COL4A4: variants seen among roughly 807,000 people sequenced by gnomAD.
COL4A4 encodes the protein collagen alpha-4(IV) chain.
COL4A4 carries 105 observed loss-of-function variants against 192.9 expected under a neutral mutation model. The observed-to-expected ratio is 0.54, with a 90% CI of 0.46 to 0.64. COL4A4 has a LOEUF of 0.64. Ranked by LOEUF, COL4A4 falls within the 30% of genes least tolerant of loss-of-function variation. The pLI, the probability that COL4A4 is intolerant of heterozygous loss-of-function variation, is 0.00. For synonymous variants in COL4A4, 762 were observed against 769.9 expected (o/e 0.99, Z 0.17); for missense variants, 1,967 against 2,169.3 (o/e 0.91, Z 1.85).
intron 25 of COL4A4, among the ~76,000 whole-genome samples, chr2:227,065,723 C>G (rs866987950): frequency 3.9e-4 from 59 of 152,266 alleles, no homozygotes; most frequent in African/African-American, 6.3e-4. Context: ...AAACCCATCT[C>G]TACATCACCA....
chr2:227,157,252 G>T (rs2064423986), intron 1 of COL4A4, among the ~76,000 whole-genome samples: 1 of 152,012 alleles, frequency 6.6e-6, no homozygotes, highest in South Asian at 2.1e-4. Context: ...TGAGCTGAAT[G>T]ATAATAAAAA....
At chr2:227,074,597 C>T (rs1011536306) in intron 25 of COL4A4, among the ~76,000 whole-genome samples, 6 of 152,150 alleles carry the variant, frequency 3.9e-5, no homozygotes, top group Non-Finnish European at 2.9e-5. Flanking sequence ...AAGACACTTG[C>T]ACATGTATGT....
intron 2 of COL4A4, among the ~76,000 whole-genome samples, chr2:227,146,181 G>A (rs1396583169): frequency 2.0e-5 from 3 of 152,176 alleles, no homozygotes; most frequent in Non-Finnish European, 2.9e-5. Context: ...ATGGCCCCGA[G>A]GGGGCCAGCT....
chr2:226,991,111 T>C, the COL4A4 span, among the ~76,000 whole-genome samples: 1 of 152,374 alleles, frequency 6.6e-6, no homozygotes, highest in African/African-American at 2.4e-5. Flanking sequence ...CAACACTTTG[T>C]ACAAAACACT....
intron 44 of COL4A4, among the ~76,000 whole-genome samples, chr2:227,015,672 C>A (rs1368208792): frequency 6.6e-6 from 1 of 152,196 alleles, no homozygotes; most frequent in Non-Finnish European, 1.5e-5. Context: ...TAACTTCTTT[C>A]TAGCAGAGCA....
intron 43 of COL4A4, among the ~76,000 whole-genome samples, chr2:227,023,441 C>CAAAA (rs60646267): frequency 2.4e-5 from 3 of 124,306 alleles, no homozygotes; most frequent in Non-Finnish European, 5.1e-5. Flanking sequence ...GATTCCATCT[C>CAAAA]AAAAAAAAAA....
At position 227,095,623 on chromosome 2, in the gene COL4A4, G is replaced by A. The variant is rs887754697; in HGVS notation, c.1205-1334C>T. On this transcript the variant is annotated intron_variant, in intron 19 of 47. Transcript: ENST00000396625. ...AGATAGCTGAAAGCTGGCCAGGCCC[G>A]GTGGCTCACACCCGTAATCCCAATA... Among the ~76,000 whole-genome samples the A allele has an allele frequency of 2.6e-5, 4 of 152,174 alleles. No individual in the cohort carries two copies. The East Asian group carries it at 5.8e-4, about 22-fold the overall frequency.
At chr2:227,012,400 C>A in intron 44 of COL4A4, 103 bp from the exon 45 acceptor site, 1 of 889,226 alleles carries the variant, frequency 1.1e-6, no homozygotes, top group East Asian at 2.5e-5. Flanking sequence ...CCCAGGCTTC[C>A]TTCCCACTTT....
chr2:227,119,839 T>C, intron 6 of COL4A4, 56 bp downstream of exon 6: 4 of 1,255,126 alleles, frequency 3.2e-6, no homozygotes, highest in Non-Finnish European at 3.4e-6. Flanking sequence ...TTTTAAGGAT[T>C]TTGATGAGTA....
chr2:226,994,506 G>A, the COL4A4 span, among the ~76,000 whole-genome samples: 1 of 152,190 alleles, frequency 6.6e-6, no homozygotes, highest in Admixed American at 6.5e-5. Context: ...GTAGGTGATG[G>A]GAGAGAGCCT....
At chr2:227,137,027 C>T (rs1006610671) in intron 4 of COL4A4, among the ~76,000 whole-genome samples, 9 of 152,178 alleles carry the variant, frequency 5.9e-5, no homozygotes, top group South Asian at 2.1e-4. Flanking sequence ...GATGTCACAA[C>T]GACTTGCAGC....
intron 46 of COL4A4, among the ~76,000 whole-genome samples, chr2:227,010,024 G>A (rs151333714): frequency 7.9e-4 from 120 of 152,204 alleles, no homozygotes; most frequent in African/African-American, 2.8e-3. Context: ...TTAACTTACT[G>A]AGGAAGAATC....
chr2:227,155,897 T>C (rs569473762), intron 1 of COL4A4, among the ~76,000 whole-genome samples: 1 of 152,354 alleles, frequency 6.6e-6, no homozygotes, highest in African/African-American at 2.4e-5. Context: ...CACTTCGCCA[T>C]GTAATCCTTA....
In COL4A4 at chr2:227,049,547, T is replaced by A. The variant is rs566093797; in HGVS notation, c.3214+521A>T. 1.7e-4 allele frequency among the ~76,000 whole-genome samples: 26 copies of A among 152,126 alleles called. No individual in the cohort carries two copies. In the South Asian group the frequency reaches 3.1e-3, roughly 18 times the overall value. On this transcript the variant is annotated intron_variant, in intron 34 of 47. Coordinates refer to ENST00000396625, the MANE Select transcript of COL4A4 (RefSeq NM_000092.5). The stretch of plus-strand genomic sequence containing the variant: ...AAAATATTTTGCTATAGTAAAAAAA[T>A]AATAATAATAATAAAAAACCCAATT...
At chr2:227,050,228 GT>G in intron 33 of COL4A4, 97 bp from the exon 34 acceptor site, 1 of 1,208,048 alleles carries the variant, frequency 8.3e-7, no homozygotes, top group Non-Finnish European at 1.2e-6. Context: ...AACTAATTTG[GT>G]TTTTGTAATC....
At chr2:227,073,061 G>A (rs2058813268) in intron 25 of COL4A4, among the ~76,000 whole-genome samples, 1 of 151,952 alleles carries the variant, frequency 6.6e-6, no homozygotes, top group South Asian at 2.1e-4. Context: ...TTAGGTAAGA[G>A]AAATAAATAA....
chr2:227,145,925 G>T (rs1254898432), intron 2 of COL4A4, among the ~76,000 whole-genome samples: 1 of 152,152 alleles, frequency 6.6e-6, no homozygotes, highest in Non-Finnish European at 1.5e-5. Context: ...ATATAAAGGA[G>T]GTGTTAAACA....
intron 26 of COL4A4, among the ~76,000 whole-genome samples, chr2:227,061,180 C>T (rs1179490881): frequency 2.0e-5 from 3 of 152,026 alleles, no homozygotes; most frequent in Admixed American, 2.0e-4. Context: ...AGAAATCAAA[C>T]TTTTTTTTAT....
chr2:227,025,667 C>A, intron 43 of COL4A4, 135 bp downstream of exon 43: 1 of 765,534 alleles, frequency 1.3e-6, no homozygotes, highest in Non-Finnish European at 2.2e-6. Flanking sequence ...AACACTGCAG[C>A]TTAATATCCT....
Sources: gnomAD v4.1 joint callset for allele counts (sites outside exome capture counted in the v4.1 genomes callset) on GRCh38, gnomAD v4.1.1 for gene constraint, MANE v1.5 for transcripts, NCBI Gene and HGNC (gene_info 2026-07-23, HGNC 2026-07-21) for gene names.